ZNF251: variants seen among roughly 807,000 people sequenced by gnomAD.
ZNF251 encodes the protein zinc finger protein 251.
In ZNF251, 14 loss-of-function variants were observed where a neutral mutation model predicts 13.5. That is an observed-to-expected ratio of 1.04 (90% confidence interval 0.69 to 1.63). The LOEUF is 1.63. ZNF251 is among the 40% of genes most tolerant of loss of function. The pLI is 0.00. For missense variants in ZNF251, 764 were observed against 834.9 expected, an observed-to-expected ratio of 0.92 and a Z score of 1.05; for synonymous variants, 287 against 295.2, an observed-to-expected ratio of 0.97 and a Z score of 0.28.
rs538544155 is a variant in ZNF251, at chr8:144,752,731, C to T, written c.277+952G>A. On this transcript the variant is annotated intron_variant, in intron 4 of 4. Transcript: ENST00000292562. ...TTTTGGTAAAAGGACCAGAGATAAA[C>T]AATTATTAATAACATACTTAACTGG... is the stretch of plus-strand genomic sequence containing the variant. Among the ~76,000 whole-genome samples, 20 of 152,192 alleles carry T rather than the reference C, an allele frequency of 1.3e-4. No individual in the cohort carries two copies. In the East Asian group the frequency reaches 3.3e-3, roughly 25 times the overall value.
Position 144,755,420 on chromosome 8 carries a change from G to T in ZNF251, c.-91C>A. 8 of 1,288,026 alleles carry T rather than the reference G, an allele frequency of 6.2e-6. No individual in the cohort carries two copies. The highest frequency in any genetic ancestry group is 8.1e-6 in the Non-Finnish European group (8 of 988,802). The allele number at this position is 1,288,026 out of a possible 1,614,324, so 79.8% of individuals were successfully genotyped here. ...ACTGCCCCACCTGTTTGCTCGACCC[G>T]GGGAAGCCACCGAGGAAGCGCCGAG... is the stretch of plus-strand genomic sequence containing the variant. On this transcript the variant is annotated 5_prime_UTR_variant, in exon 1 of 5. Transcript: ENST00000292562.
rs563628468 is a variant in ZNF251, at chr8:144,729,694, G to A, written c.278-6312C>T. ...ATGTCTCATATCAACGTAACTGCCC[G>A]CTTAAAAATAGATCTCTTGGGATGG... On this transcript the variant is annotated intron_variant, in intron 4 of 4. Transcript: ENST00000292562. Among the ~76,000 whole-genome samples the A allele has an allele frequency of 2.6e-5, 4 of 151,906 alleles. No homozygotes were observed. In the South Asian group the frequency reaches 6.3e-4, roughly 24 times the overall value.
rs375802372 is a variant in ZNF251, at chr8:144,737,344, C to T, written c.278-13962G>A. 1.3e-4 allele frequency among the ~76,000 whole-genome samples: 20 copies of T among 151,532 alleles called. No individual in the cohort carries two copies. In the East Asian group the frequency reaches 2.1e-3, roughly 16 times the overall value. On this transcript the variant is annotated intron_variant, in intron 4 of 4. Transcript: ENST00000292562. ...AACTCCTGGTCTCAAGTGATCTGCC[C>T]GCTTTGGCCTTTTAAAGTGCTGGGA...
intron 4 of ZNF251, among the ~76,000 whole-genome samples, chr8:144,728,589 G>C (rs1823589877): frequency 6.6e-6 from 1 of 151,106 alleles, no homozygotes; most frequent in Non-Finnish European, 1.5e-5. Context: ...CATGAACCCG[G>C]GAGGCGGAGC....
intron 4 of ZNF251, among the ~76,000 whole-genome samples, chr8:144,730,948 C>G (rs905537370): frequency 6.6e-6 from 1 of 152,228 alleles, no homozygotes; most frequent in Non-Finnish European, 1.5e-5. Context: ...TGGGAACCGC[C>G]CCCCTCAGAG....
rs762629400 is a variant in ZNF251 at position 144,721,838 on chromosome 8, T to C, written c.1822A>G (p.Thr608Ala). The C allele has an allele frequency of 6.7e-6, 10 of 1,497,568 alleles. No individual in the cohort carries two copies. The highest frequency in any genetic ancestry group is 1.8e-4 in the Middle Eastern group (1 of 5,562). The allele number at this position is 1,497,568 out of a possible 1,614,324, so 92.8% of individuals were successfully genotyped here. Residue 608 changes from threonine (T) to alanine (A), a missense_variant, in exon 5 of 5, where the codon ACC (threonine) becomes GCC (alanine). Coordinates refer to ENST00000292562, the MANE Select transcript of ZNF251 (RefSeq NM_138367.2). ...ECGNAFSGKS[T>A]LIQHQVTHTG... ...TGAGTTACCTGATGTTGAATAAGGG[T>C]TGACTTTCCACTGAAGGCGTTTCCA...
Position 144,754,241 on chromosome 8 carries a change from C to G in ZNF251, c.114G>C (p.Ala38=), listed in dbSNP as rs749862786. ...TCTCCAGCATCACATCCCGGTAGAG[C>G]GCCCGCTGCTGGGGGCCCAGCTGCC... is the stretch of plus-strand genomic sequence containing the variant. ...EGRQLGPQQR[A]LYRDVMLENY... The change falls in exon 3 of 5, where the codon GCG becomes GCC. Residue 38 remains alanine (A), a synonymous_variant. Coordinates refer to ENST00000292562, the MANE Select transcript of ZNF251 (RefSeq NM_138367.2). 2.5e-6 allele frequency: 4 copies of G among 1,613,900 alleles called. No individual in the cohort carries two copies. Among genetic ancestry groups the G allele is most frequent in the Admixed American group, 3.3e-5 (2 of 59,992 alleles).
chr8:144,736,800 TA>T (rs1237901403), intron 4 of ZNF251, among the ~76,000 whole-genome samples: 1 of 150,934 alleles, frequency 6.6e-6, no homozygotes. Context: ...CCTACTTTAT[TA>T]TTGTTAATTT....
rs1384407273 is a variant in ZNF251 at position 144,755,024 on chromosome 8, G to A, written c.-75-221C>T. The A allele has an allele frequency of 8.0e-6, 11 of 1,376,804 alleles. No homozygotes were observed. In the South Asian group the frequency reaches 1.0e-4, roughly 13 times the overall value. The allele number at this position is 1,376,804 out of a possible 1,614,324, so 85.3% of individuals were successfully genotyped here. A position where few individuals can be genotyped will look rare whatever the true frequency, so the allele number is the denominator to read the frequency against. On this transcript the variant is annotated intron_variant, in intron 1 of 4. Coordinates refer to ENST00000292562, the MANE Select transcript of ZNF251 (RefSeq NM_138367.2). ...AGGGACGCCCGGCTAAGGGGTGAAA[G>A]CTGGCAGTTCCCGTGGTCCAGACCT... is the stretch of plus-strand genomic sequence containing the variant.
At chr8:144,729,754 G>A (rs570732303) in intron 4 of ZNF251, among the ~76,000 whole-genome samples, 66 of 152,226 alleles carry the variant, frequency 4.3e-4, no homozygotes, top group African/African-American at 1.6e-3. Flanking sequence ...CCCGCACTTT[G>A]GGAGGCTGAA....
chr8:144,749,930 G>C (rs1232983976), intron 4 of ZNF251, among the ~76,000 whole-genome samples: 1 of 146,588 alleles, frequency 6.8e-6, no homozygotes, highest in Non-Finnish European at 1.5e-5. Flanking sequence ...TGCTGCCTAG[G>C]CTGGCCTTGA....
chr8:144,735,080 TA>T (rs1314435525), intron 4 of ZNF251, among the ~76,000 whole-genome samples: 4 of 113,050 alleles, frequency 3.5e-5, no homozygotes, highest in African/African-American at 6.9e-5. Flanking sequence ...CTCAAAAAAA[TA>T]AAAAAAAAAG....
intron 4 of ZNF251, among the ~76,000 whole-genome samples, chr8:144,748,410 C>T (rs774486589): frequency 6.6e-6 from 1 of 152,146 alleles, no homozygotes; most frequent in Non-Finnish European, 1.5e-5. Flanking sequence ...GGCCCATACA[C>T]CTCAAGATCT....
intron 4 of ZNF251, among the ~76,000 whole-genome samples, chr8:144,737,125 G>C (rs191782451): frequency 6.6e-6 from 1 of 151,608 alleles, no homozygotes; most frequent in Admixed American, 6.6e-5. Flanking sequence ...GCTTAAGACA[G>C]TCTTGCTCTG....
intron 4 of ZNF251, among the ~76,000 whole-genome samples, chr8:144,735,583 A>G (rs1345290618): frequency 6.6e-6 from 1 of 151,980 alleles, no homozygotes; most frequent in Non-Finnish European, 1.5e-5. Flanking sequence ...CACAAATCAG[A>G]AAAAGCACTG....
At chr8:144,747,087 C>T (rs994027332) in intron 4 of ZNF251, among the ~76,000 whole-genome samples, 1 of 152,170 alleles carries the variant, frequency 6.6e-6, no homozygotes. Flanking sequence ...TTTTCTAATA[C>T]ATGCAGTCAA....
rs540177023 is a variant in ZNF251 at position 144,732,842 on chromosome 8, G to A, written c.278-9460C>T. Among the ~76,000 whole-genome samples the A allele has an allele frequency of 4.4e-3, 658 of 149,120 alleles. 3 individuals carry two copies. Among genetic ancestry groups the A allele is most frequent in the African/African-American group, 0.014 (571 of 40,546 alleles). On this transcript the variant is annotated intron_variant, in intron 4 of 4. Coordinates refer to ENST00000292562, the MANE Select transcript of ZNF251 (RefSeq NM_138367.2). ...AAAAAAAAAAAAAATACATTGGACAGCCTTAGAACCTATCAGACCTCAAAA... is the reference window on the plus strand; with the variant it reads ...AAAAAAAAAAAAAATACATTGGACAACCTTAGAACCTATCAGACCTCAAAA...
At chr8:144,750,036 C>T (rs1586708247) in intron 4 of ZNF251, among the ~76,000 whole-genome samples, 1 of 151,924 alleles carries the variant, frequency 6.6e-6, no homozygotes. Flanking sequence ...ATCTCTTTTG[C>T]TTACATTATC....
chr8:144,745,389 T>C (rs1041198066), intron 4 of ZNF251, among the ~76,000 whole-genome samples: 2 of 152,140 alleles, frequency 1.3e-5, no homozygotes, highest in Admixed American at 1.3e-4. Context: ...CACACTGCCT[T>C]GATTACTGTG....
Sources: gnomAD v4.1 joint callset for allele counts (sites outside exome capture counted in the v4.1 genomes callset) on GRCh38, gnomAD v4.1.1 for gene constraint, MANE v1.5 for transcripts, NCBI Gene and HGNC (gene_info 2026-07-23, HGNC 2026-07-21) for gene names.